The following CA5B variants were observed in gnomAD, a reference collection of about 807,000 sequenced individuals.
CA5B encodes the protein carbonic anhydrase 5B.
In CA5B, 15 loss-of-function variants were observed where a neutral mutation model predicts 23.1. The observed-to-expected ratio is 0.65, with a 90% CI of 0.43 to 1.00. The LOEUF (loss-of-function observed/expected upper bound fraction) is 1.00. CA5B is among the 50% of genes least tolerant of loss of function. CA5B has a pLI of 0.00. For synonymous variants in CA5B, 84 were observed against 98.5 expected, an observed-to-expected ratio of 0.85 and a Z score of 0.87; for missense variants, 236 against 252.2, an observed-to-expected ratio of 0.94 and a Z score of 0.43.
intron 3 of CA5B, among the ~76,000 whole-genome samples, chrX:15,770,021 A>T (rs1444829266): frequency 1.8e-5 from 2 of 112,260 alleles, no homozygotes; most frequent in East Asian, 5.6e-4. Context: ...CATGGAAAGA[A>T]TAAAATATCA....
At chrX:15,746,207 G>A (rs938752804) in intron 1 of CA5B, among the ~76,000 whole-genome samples, 9 of 108,401 alleles carry the variant, frequency 8.3e-5, no homozygotes, top group African/African-American at 2.7e-4. Context: ...CACCACGCCC[G>A]GCTAATTTTT....
At chrX:15,758,631 C>T (rs1931541436) in intron 2 of CA5B, among the ~76,000 whole-genome samples, 1 of 111,630 alleles carries the variant, frequency 9.0e-6, no homozygotes, top group South Asian at 3.7e-4. Flanking sequence ...CTCAGCCTCT[C>T]AAGTAGCTGG....
intron 6 of CA5B, chrX:15,775,704 C>A (rs1363720477): frequency 1.3e-6 from 1 of 755,932 alleles, no homozygotes; most frequent in Non-Finnish European, 1.6e-6. Flanking sequence ...TAATCCACAT[C>A]CTTCAGGTCG....
intron 4 of CA5B, among the ~76,000 whole-genome samples, chrX:15,773,919 C>T (rs922136058): frequency 9.0e-6 from 1 of 111,521 alleles, no homozygotes; most frequent in Admixed American, 9.5e-5. Flanking sequence ...GCATAATTTC[C>T]ATATGGAGGA....
rs770290766 is a variant in CA5B at position 15,772,558 on chromosome X, G to C, written c.403G>C (p.Ala135Pro). The change falls in exon 4 of 8, where the codon GCC (alanine) becomes CCC (proline). Residue 135 changes from alanine to proline, a missense_variant. Ala to Pro is a conservative substitution (Grantham distance 27). This residue lies in a region of CA5B where 170 missense variants were observed against 162.0 expected (regional missense o/e 1.05). Transcript: ENST00000318636. ...RLKQFHFHWG[A>P]IDAWGSEHTV... ...GAAGCAGTTCCATTTTCACTGGGGGGCCATCGATGCCTGGGGTTCTGAGCA... is the reference window on the plus strand; with the variant it reads ...GAAGCAGTTCCATTTTCACTGGGGGCCCATCGATGCCTGGGGTTCTGAGCA... The C allele has an allele frequency of 5.8e-6, 7 of 1,206,177 alleles. No homozygotes were observed. The highest frequency in any genetic ancestry group is 1.8e-5 in the African/African-American group (1 of 57,006).
At chrX:15,769,605 A>C in intron 3 of CA5B, 1 of 753,425 alleles carries the variant, frequency 1.3e-6, no homozygotes, top group Non-Finnish European at 1.6e-6. Flanking sequence ...TGAACCTAGT[A>C]AGAATGCTTT....
rs1932123438 is a variant in CA5B, at chrX:15,786,682, CTG to C, written c.*4020_*4021del. The C allele has an allele frequency of 9.0e-6, 1 of 110,969 alleles. No homozygotes were observed. Among genetic ancestry groups the C allele is most frequent in the Non-Finnish European group, 1.9e-5 (1 of 53,035 alleles). 9.1% of individuals were successfully genotyped at this position (110,969 alleles called of 1,213,427 possible). On this transcript the variant is annotated 3_prime_UTR_variant, in exon 8 of 8. Transcript: ENST00000318636. ...CTATTGTTACAGTATATGTATATAT[CTG>C]TAAAATTAATGAGATATCCTTTAAC...
chrX:15,777,228 T>G (rs1225415310), intron 7 of CA5B, among the ~76,000 whole-genome samples: 2 of 112,033 alleles, frequency 1.8e-5, no homozygotes, highest in African/African-American at 6.5e-5. Flanking sequence ...TTAAAATCCT[T>G]AAGGGAATTC....
At chrX:15,746,022 CTTTTTTTT>C in intron 1 of CA5B, among the ~76,000 whole-genome samples, 1 of 53,412 alleles carries the variant, frequency 1.9e-5, no homozygotes, top group African/African-American at 6.9e-5. Context: ...GCGTCAACTT[CTTTTTTTT>C]TTTTTTTTTT....
intron 1 of CA5B, among the ~76,000 whole-genome samples, chrX:15,748,610 G>C (rs1304758782): frequency 2.7e-5 from 3 of 110,706 alleles, no homozygotes; most frequent in Non-Finnish European, 5.7e-5. Flanking sequence ...GCCAGATGCA[G>C]TGGCTCACAC....
At chrX:15,778,143 C>T (rs185445214) in intron 7 of CA5B, among the ~76,000 whole-genome samples, 23 of 111,491 alleles carry the variant, frequency 2.1e-4, no homozygotes, top group East Asian at 5.6e-4. Flanking sequence ...TAAAATACTT[C>T]GGAATAATTT....
At chrX:15,755,913 G>C (rs1931478750) in intron 2 of CA5B, among the ~76,000 whole-genome samples, 1 of 112,510 alleles carries the variant, frequency 8.9e-6, no homozygotes, top group Non-Finnish European at 1.9e-5. Context: ...ACTTTAACAT[G>C]AAATGAATAT....
At chrX:15,752,681 C>T (rs5936039) in intron 2 of CA5B, among the ~76,000 whole-genome samples, 34,763 of 107,912 alleles carry the variant, frequency 0.32, 4,211 homozygotes, top group East Asian at 0.43. Context: ...GCCGAGATCG[C>T]GCCACTGCAC....
At chrX:15,747,629 A>T (rs943090026) in intron 1 of CA5B, among the ~76,000 whole-genome samples, 4 of 111,454 alleles carry the variant, frequency 3.6e-5, no homozygotes, top group African/African-American at 1.3e-4. Context: ...CTATACTTGT[A>T]TAAAATTTAA....
chrX:15,787,564 T>A lies in CA5B; in HGVS notation c.*4900T>A, dbSNP rs1932138833. ...TCCTGTAATGAAATTAACAAGCAATTCAGGCCTATTTCTGAAAATGAATTC... is the reference window on the plus strand; with the variant it reads ...TCCTGTAATGAAATTAACAAGCAATACAGGCCTATTTCTGAAAATGAATTC... On this transcript the variant is annotated 3_prime_UTR_variant, in exon 8 of 8. Transcript: ENST00000318636. 8.9e-6 allele frequency: 1 copy of A among 112,576 alleles called. No individual in the cohort carries two copies. The highest frequency in any genetic ancestry group is 1.9e-5 in the Non-Finnish European group (1 of 53,335). 9.3% of individuals were successfully genotyped at this position (112,576 alleles called of 1,213,427 possible). A position where few individuals can be genotyped will look rare whatever the true frequency, so the allele number is the denominator to read the frequency against.
At position 15,782,894 on chromosome X, in the gene CA5B, T is replaced by C. The variant is rs958777328; in HGVS notation, c.*230T>C. 3.8e-5 allele frequency: 12 copies of C among 319,613 alleles called. No homozygotes were observed. Among genetic ancestry groups the C allele is most frequent in the East Asian group, 3.1e-4 (6 of 19,606 alleles). The allele number at this position is 319,613 out of a possible 1,213,427, so 26.3% of individuals were successfully genotyped here. ...AATTGTAATGCCTTTTTTTTTTCTT[T>C]AAGAGACTAGGTCTTGCTCTGCTGC... On this transcript the variant is annotated 3_prime_UTR_variant, in exon 8 of 8. Coordinates refer to ENST00000318636, the MANE Select transcript of CA5B (RefSeq NM_007220.4).
intron 6 of CA5B, among the ~76,000 whole-genome samples, chrX:15,776,441 A>G (rs1426371979): frequency 9.0e-6 from 1 of 111,439 alleles, no homozygotes; most frequent in Non-Finnish European, 1.9e-5. Flanking sequence ...AGAGGAGACT[A>G]CCTGCTGGAA....
chrX:15,756,832 A>C (rs1338480270), intron 2 of CA5B, among the ~76,000 whole-genome samples: 1 of 110,802 alleles, frequency 9.0e-6, no homozygotes, highest in African/African-American at 3.3e-5. Context: ...AGGCGGGTGG[A>C]TCACAAGGTC....
chrX:15,748,433 A>G (rs767296366), intron 1 of CA5B, among the ~76,000 whole-genome samples: 1 of 111,528 alleles, frequency 9.0e-6, no homozygotes, highest in Admixed American at 9.5e-5. Flanking sequence ...CTATATCACT[A>G]TTATTTAGCT....
Sources: gnomAD v4.1 joint callset for allele counts (sites outside exome capture counted in the v4.1 genomes callset) on GRCh38, gnomAD v4.1.1 for gene constraint, gnomAD v4.1.1 regional missense constraint, MANE v1.5 for transcripts, NCBI Gene and HGNC (gene_info 2026-07-23, HGNC 2026-07-21) for gene names.